Variants in ITSN1 observed in about 807,000 individuals in gnomAD.
The protein encoded by ITSN1 is intersectin 1.
ITSN1 carries 58 observed loss-of-function variants against 239.8 expected under a neutral mutation model. That is an observed-to-expected ratio of 0.24 (90% confidence interval 0.20 to 0.30). ITSN1 has a LOEUF of 0.30. Ranked by LOEUF, ITSN1 falls within the 10% of genes least tolerant of loss-of-function variation. ITSN1 has a pLI of 1.00. For synonymous variants in ITSN1, 780 were observed against 770.8 expected, an observed-to-expected ratio of 1.01 and a Z score of -0.20; for missense variants, 1,558 against 2,103.3, an observed-to-expected ratio of 0.74 and a Z score of 5.07.
chr21:33,666,446 G>T (rs1158129167), intron 1 of ITSN1, among the ~76,000 whole-genome samples: 1 of 146,122 alleles, frequency 6.8e-6, no homozygotes, highest in Non-Finnish European at 1.5e-5. Context: ...TATGTTATTT[G>T]TATGATGCTG....
chr21:33,805,981 A>T (rs2072401621), intron 20 of ITSN1, among the ~76,000 whole-genome samples: 1 of 140,124 alleles, frequency 7.1e-6, no homozygotes, highest in Non-Finnish European at 1.5e-5. Flanking sequence ...ATGTGGGCGG[A>T]TCACAAGGTC....
chr21:33,697,431 C>G (rs1318736504), intron 1 of ITSN1, among the ~76,000 whole-genome samples: 1 of 151,904 alleles, frequency 6.6e-6, no homozygotes, highest in Non-Finnish European at 1.5e-5. Context: ...ACACAGATGA[C>G]AACATTTTGT....
intron 5 of ITSN1, among the ~76,000 whole-genome samples, chr21:33,742,668 A>G (rs1298538447): frequency 6.6e-6 from 1 of 152,162 alleles, no homozygotes; most frequent in Non-Finnish European, 1.5e-5. Flanking sequence ...TCCTTTTGGG[A>G]CAGGGCTTCA....
intron 1 of ITSN1, among the ~76,000 whole-genome samples, chr21:33,685,120 A>T (rs947075083): frequency 6.6e-6 from 1 of 152,202 alleles, no homozygotes; most frequent in Non-Finnish European, 1.5e-5. Flanking sequence ...TATTAAAGCA[A>T]GTTGCGTTTC....
intron 27 of ITSN1, among the ~76,000 whole-genome samples, chr21:33,833,608 C>T (rs1435760512): frequency 6.6e-6 from 1 of 152,240 alleles, no homozygotes; most frequent in Non-Finnish European, 1.5e-5. Flanking sequence ...TGGCGCACGC[C>T]TGTAATCCCA....
At chr21:33,741,969 A>G (rs1338208175) in intron 5 of ITSN1, among the ~76,000 whole-genome samples, 5 of 152,034 alleles carry the variant, frequency 3.3e-5, no homozygotes, top group Non-Finnish European at 7.4e-5. Flanking sequence ...TTGCGAGTCA[A>G]CAATGCAAAA....
At chr21:33,643,280 G>C (rs1415941571) in intron 1 of ITSN1, 2 of 152,122 alleles carry the variant, frequency 1.3e-5, no homozygotes, top group Non-Finnish European at 1.5e-5. Flanking sequence ...GGCGCGCCGC[G>C]GGGCCGCCCC....
At chr21:33,845,459 T>C (rs1241515457) in intron 29 of ITSN1, among the ~76,000 whole-genome samples, 1 of 152,056 alleles carries the variant, frequency 6.6e-6, no homozygotes, top group Non-Finnish European at 1.5e-5. Context: ...AAAACATCAC[T>C]TCTTATGCTT....
At chr21:33,734,963 T>A in intron 4 of ITSN1, 81 bp from the exon 5 acceptor site, 1 of 1,224,920 alleles carries the variant, frequency 8.2e-7, no homozygotes, top group Non-Finnish European at 1.1e-6. Flanking sequence ...ATTATTTTGT[T>A]TTCGTGTTGG....
chr21:33,735,629 AC>A, intron 5 of ITSN1: 1 of 197,446 alleles, frequency 5.1e-6, no homozygotes, highest in Non-Finnish European at 1.0e-5. Flanking sequence ...GAATCACAGT[AC>A]TGAGTCACTT....
intron 1 of ITSN1, among the ~76,000 whole-genome samples, chr21:33,658,955 C>T (rs1354964459): frequency 2.0e-5 from 3 of 152,044 alleles, no homozygotes; most frequent in African/African-American, 7.2e-5. Context: ...TGCTAATGAA[C>T]TGGCTCCTGG....
intron 22 of ITSN1, chr21:33,817,522 T>G (rs1320794444): frequency 7.7e-7 from 1 of 1,304,584 alleles, no homozygotes; most frequent in Non-Finnish European, 1.0e-6. Flanking sequence ...TTTAGTATAT[T>G]TCATTCTGCC....
intron 1 of ITSN1, among the ~76,000 whole-genome samples, chr21:33,665,217 C>T (rs993765639): frequency 1.3e-4 from 19 of 151,082 alleles, no homozygotes; most frequent in African/African-American, 3.4e-4. Context: ...GAGCCAAGGC[C>T]GCACCATTGC....
At chr21:33,821,673 C>G (rs1384182454) in intron 24 of ITSN1, among the ~76,000 whole-genome samples, 1 of 152,188 alleles carries the variant, frequency 6.6e-6, no homozygotes, top group Non-Finnish European at 1.5e-5. Context: ...CCTCAGTCTT[C>G]CCAGTCTCCT....
At chr21:33,718,510 G>T (rs943949917) in intron 1 of ITSN1, among the ~76,000 whole-genome samples, 1 of 152,188 alleles carries the variant, frequency 6.6e-6, no homozygotes, top group Non-Finnish European at 1.5e-5. Context: ...TATGCAAGAG[G>T]ACGTGCTTAG....
intron 1 of ITSN1, among the ~76,000 whole-genome samples, chr21:33,677,873 A>G (rs959559008): frequency 6.6e-6 from 1 of 152,192 alleles, no homozygotes; most frequent in Non-Finnish European, 1.5e-5. Flanking sequence ...TTAAAACATT[A>G]GGCCACCACT....
At chr21:33,849,081 A>G (rs564300132) in intron 29 of ITSN1, among the ~76,000 whole-genome samples, 1 of 151,886 alleles carries the variant, frequency 6.6e-6, no homozygotes, top group African/African-American at 2.4e-5. Flanking sequence ...TCTCTACTAA[A>G]AATACAAAAA....
intron 33 of ITSN1, among the ~76,000 whole-genome samples, chr21:33,868,100 CTTTTA>C (rs1325061535): frequency 6.6e-6 from 1 of 152,222 alleles, no homozygotes; most frequent in African/African-American, 2.4e-5. Flanking sequence ...GGGCAGCCTG[CTTTTA>C]TTCTCTTATC....
chr21:33,727,607 CAAAAAAA>C (rs201596116), intron 4 of ITSN1, among the ~76,000 whole-genome samples: 46 of 69,764 alleles, frequency 6.6e-4, no homozygotes, highest in African/African-American at 1.4e-3. Context: ...TAAACTCATA[CAAAAAAA>C]AAAAAAAAAA....
Sources: gnomAD v4.1 joint callset for allele counts (sites outside exome capture counted in the v4.1 genomes callset) on GRCh38, gnomAD v4.1.1 for gene constraint, MANE v1.5 for transcripts, NCBI Gene and HGNC (gene_info 2026-07-23, HGNC 2026-07-21) for gene names.